SYN3: variants seen among roughly 807,000 people sequenced by gnomAD.
The protein encoded by SYN3 is synapsin-3.
SYN3 carries 35 observed loss-of-function variants against 65.8 expected under a neutral mutation model. That is an observed-to-expected ratio of 0.53 (90% CI 0.41 to 0.70). The LOEUF (loss-of-function observed/expected upper bound fraction) is 0.70. Ranked by LOEUF, SYN3 falls within the 30% of genes least tolerant of loss-of-function variation. The probability of loss-of-function intolerance (pLI) is 0.00; values close to 1 mark genes in which losing one functional copy is unlikely to be tolerated. For missense variants in SYN3, 680 were observed against 749.0 expected, an observed-to-expected ratio of 0.91 and a Z score of 1.08; for synonymous variants, 270 against 292.9, an observed-to-expected ratio of 0.92 and a Z score of 0.80.
chr22:32,725,533 C>G (rs1643959207), intron 6 of SYN3, among the ~76,000 whole-genome samples: 1 of 152,162 alleles, frequency 6.6e-6, no homozygotes, highest in Non-Finnish European at 1.5e-5. Context: ...GAGAGATTAT[C>G]TTGCATTCTA....
At chr22:33,032,822 C>T (rs2053778866) in intron 1 of SYN3, among the ~76,000 whole-genome samples, 1 of 152,150 alleles carries the variant, frequency 6.6e-6, no homozygotes. Flanking sequence ...CCACCCGCCC[C>T]AGCTTCAAGA....
intron 6 of SYN3, among the ~76,000 whole-genome samples, chr22:32,652,379 GT>G (rs71187204): frequency 4.4e-4 from 61 of 138,806 alleles, no homozygotes; most frequent in Middle Eastern, 3.7e-3. Flanking sequence ...TGCGATGCAA[GT>G]TTTTTTTTTT....
At chr22:32,839,450 C>T (rs1327037615) in intron 6 of SYN3, among the ~76,000 whole-genome samples, 6 of 152,084 alleles carry the variant, frequency 3.9e-5, no homozygotes, top group Non-Finnish European at 8.8e-5. Flanking sequence ...AGGTAGTCGC[C>T]TCATTGGACC....
intron 3 of SYN3, among the ~76,000 whole-genome samples, chr22:32,938,414 C>T (rs747996998): frequency 5.8e-4 from 88 of 151,530 alleles, no homozygotes; most frequent in Non-Finnish European, 1.1e-3. Context: ...TCTGTAGTTC[C>T]AGCTACTCGG....
intron 7 of SYN3, among the ~76,000 whole-genome samples, chr22:32,574,183 T>C (rs2710355): frequency 0.44 from 67,262 of 151,506 alleles, 15,500 homozygotes; most frequent in African/African-American, 0.57. Flanking sequence ...TGGCAGGAAA[T>C]AAAACCACCA....
intron 6 of SYN3, among the ~76,000 whole-genome samples, chr22:32,789,437 T>C (rs1163526307): frequency 2.0e-5 from 3 of 152,172 alleles, no homozygotes; most frequent in East Asian, 1.9e-4. Flanking sequence ...CTCCATATTA[T>C]ATACACTGAG....
rs184227942 is a variant in SYN3 at position 32,965,735 on chromosome 22, G to A, written c.369+14910C>T. ...TTTTATGATGGAGTCTCGCTCTTTC[G>A]CCCAGGCTGAAGTGAGTGGCACGAT... On this transcript the variant is annotated intron_variant, in intron 3 of 13. Transcript: ENST00000358763. 3.3e-5 allele frequency among the ~76,000 whole-genome samples: 5 copies of A among 152,024 alleles called. No homozygotes were observed. In the East Asian group the frequency reaches 5.8e-4, roughly 18 times the overall value.
intron 6 of SYN3, among the ~76,000 whole-genome samples, chr22:32,741,602 G>A (rs976337382): frequency 5.3e-5 from 8 of 151,912 alleles, no homozygotes; most frequent in African/African-American, 1.9e-4. Flanking sequence ...TGATCCGCCT[G>A]CCTCGGCCTC....
intron 6 of SYN3, among the ~76,000 whole-genome samples, chr22:32,838,241 G>T (rs130302): frequency 1.3e-5 from 2 of 152,206 alleles, no homozygotes; most frequent in Non-Finnish European, 2.9e-5. Flanking sequence ...AATTTCAAGT[G>T]GACTTGAGGA....
At chr22:33,026,623 C>T (rs754538108) in intron 1 of SYN3, among the ~76,000 whole-genome samples, 34 of 152,164 alleles carry the variant, frequency 2.2e-4, no homozygotes, top group Non-Finnish European at 8.8e-5. Context: ...CCCAGTAATC[C>T]GGTGAGTCCC....
In SYN3 at chr22:32,513,660, A is replaced by G; in HGVS notation, c.*32T>C. ...GAGGCAGGAGGGGGACGAGTGTAGCAGAGCACTCTTCCCCTCCCAGCCTGG... is the reference window on the plus strand; with the variant it reads ...GAGGCAGGAGGGGGACGAGTGTAGCGGAGCACTCTTCCCCTCCCAGCCTGG... On this transcript the variant is annotated 3_prime_UTR_variant, in exon 14 of 14. Coordinates refer to ENST00000358763, the MANE Select transcript of SYN3 (RefSeq NM_003490.4). 22 of 1,611,536 alleles carry G rather than the reference A, an allele frequency of 1.4e-5. No homozygotes were observed. The highest frequency in any genetic ancestry group is 1.9e-5 in the Non-Finnish European group (22 of 1,178,470).
At chr22:32,707,124 T>C (rs887488923) in intron 6 of SYN3, among the ~76,000 whole-genome samples, 17 of 152,308 alleles carry the variant, frequency 1.1e-4, no homozygotes, top group African/African-American at 3.4e-4. Context: ...ATATTAATGA[T>C]AAAATAATGA....
At chr22:32,776,835 T>C (rs1011199809) in intron 6 of SYN3, among the ~76,000 whole-genome samples, 1 of 152,150 alleles carries the variant, frequency 6.6e-6, no homozygotes, top group South Asian at 2.1e-4. Flanking sequence ...TAGCTGGCCA[T>C]GGCAAGGCTA....
chr22:32,585,822 G>C (rs763227604), intron 7 of SYN3, among the ~76,000 whole-genome samples: 1 of 151,638 alleles, frequency 6.6e-6, no homozygotes, highest in African/African-American at 2.4e-5. Context: ...CAAATTTAAG[G>C]ACTCTTTACA....
chr22:32,799,261 C>T (rs2046504436), intron 6 of SYN3, among the ~76,000 whole-genome samples: 1 of 152,174 alleles, frequency 6.6e-6, no homozygotes, highest in African/African-American at 2.4e-5. Context: ...GAGAGAACAT[C>T]CCAACTGAAA....
chr22:32,948,351 A>G (rs1441245733), intron 3 of SYN3, among the ~76,000 whole-genome samples: 3 of 152,184 alleles, frequency 2.0e-5, no homozygotes, highest in Non-Finnish European at 4.4e-5. Flanking sequence ...GGAGGGGAGT[A>G]ACTCAATTCC....
chr22:32,627,418 C>T (rs1050934397), intron 6 of SYN3, among the ~76,000 whole-genome samples: 1 of 152,144 alleles, frequency 6.6e-6, no homozygotes, highest in Non-Finnish European at 1.5e-5. Flanking sequence ...CTTATGCACA[C>T]CTACACACCC....
intron 6 of SYN3, among the ~76,000 whole-genome samples, chr22:32,778,718 G>A (rs1446900240): frequency 2.0e-5 from 3 of 152,150 alleles, no homozygotes; most frequent in African/African-American, 4.8e-5. Flanking sequence ...TAACTGCAGC[G>A]TCACCGAAGA....
rs145065285 is a variant in SYN3, at chr22:32,574,259, C to T, written c.774+22415G>A. ...CACTCGGGAGGCTGAGCAGGAGGAT[C>T]GCCTGAGGCCAGGAGTGTAAGATCA... is the stretch of plus-strand genomic sequence containing the variant. On this transcript the variant is annotated intron_variant, in intron 7 of 13. Transcript: ENST00000358763. 3.4e-3 allele frequency among the ~76,000 whole-genome samples: 521 copies of T among 152,078 alleles called. 3 individuals carry two copies. Among genetic ancestry groups the T allele is most frequent in the Non-Finnish European group, 6.3e-3 (426 of 67,996 alleles).
Sources: gnomAD v4.1 joint callset for allele counts (sites outside exome capture counted in the v4.1 genomes callset) on GRCh38, gnomAD v4.1.1 for gene constraint, MANE v1.5 for transcripts, NCBI Gene and HGNC (gene_info 2026-07-23, HGNC 2026-07-21) for gene names.